Variants in ADARB1 observed in about 807,000 individuals in gnomAD.
ADARB1 encodes double-stranded RNA-specific editase 1.
ADARB1 carries 10 observed loss-of-function variants against 52.4 expected under a neutral mutation model. The observed-to-expected ratio is 0.19, with a 90% CI of 0.12 to 0.32. The LOEUF is 0.32. Among genes scored for constraint, ADARB1 ranks in the 10% least tolerant of loss-of-function variants. ADARB1 has a pLI of 1.00. For missense variants in ADARB1, 643 were observed against 922.3 expected, an observed-to-expected ratio of 0.70 and a Z score of 3.92; for synonymous variants, 349 against 371.1, an observed-to-expected ratio of 0.94 and a Z score of 0.68.
At position 45,162,458 on chromosome 21, in the gene ADARB1, C is replaced by T. The variant is rs941239349; in HGVS notation, c.-47-9152C>T. 6.6e-5 allele frequency among the ~76,000 whole-genome samples: 10 copies of T among 152,150 alleles called. No homozygotes were observed. The East Asian group carries it at 9.7e-4, about 15-fold the overall frequency. On this transcript the variant is annotated intron_variant, in intron 2 of 10. Coordinates refer to ENST00000348831, the MANE Select transcript of ADARB1 (RefSeq NM_001112.4). ...TGGGATCCAGGCTGGAAGTGTGAGC[C>T]GAGCGCAGCCTGCCAGGCTGTGTGG...
chr21:45,171,705 G>A (rs376775873), intron 3 of ADARB1, 21 bp downstream of exon 3: 28 of 1,598,894 alleles, frequency 1.8e-5, no homozygotes, highest in African/African-American at 1.3e-4. Context: ...GGCCTATCAC[G>A]TAGTATCAGA....
rs1447887602 is a variant in ADARB1 at position 45,134,283 on chromosome 21, G to A, written c.-48+5710G>A. ...GTGCCCGACAGTGGTGTGTGCACCC[G>A]ACGGGGGTGTGTGCCCGACAGTGGT... On this transcript the variant is annotated intron_variant, in intron 2 of 10. Transcript: ENST00000348831. 6.9e-5 allele frequency among the ~76,000 whole-genome samples: 3 copies of A among 43,286 alleles called. 1 individual carries two copies. The highest frequency in any genetic ancestry group is 1.5e-4 in the Non-Finnish European group (3 of 20,650). 28.4% of individuals were successfully genotyped at this position (43,286 alleles called of 152,430 possible).
At chr21:45,133,164 C>A (rs1201460321) in intron 2 of ADARB1, among the ~76,000 whole-genome samples, 1 of 152,096 alleles carries the variant, frequency 6.6e-6, no homozygotes, top group African/African-American at 2.4e-5. Context: ...TGATTCTGTT[C>A]CTTGAAGTGT....
chr21:45,127,249 A>G (rs185325564), intron 1 of ADARB1, among the ~76,000 whole-genome samples: 2 of 152,206 alleles, frequency 1.3e-5, no homozygotes, highest in East Asian at 3.9e-4. Context: ...AGGCGTGGTG[A>G]TTGGGACCGC....
Position 45,223,656 on chromosome 21 carries a change from G to A in ADARB1, c.*1459G>A, listed in dbSNP as rs775334899. 6 of 985,526 alleles carry A rather than the reference G, an allele frequency of 6.1e-6. No individual in the cohort carries two copies. Among genetic ancestry groups the A allele is most frequent in the Non-Finnish European group, 7.2e-6 (6 of 830,132 alleles). 61.0% of individuals were successfully genotyped at this position (985,526 alleles called of 1,614,324 possible). ...TACACCTGCCACAGCGAAATCCAGG[G>A]TGTTGGCACCTGTGTGTCCGTGATG... On this transcript the variant is annotated 3_prime_UTR_variant, in exon 11 of 11. Coordinates refer to ENST00000348831, the MANE Select transcript of ADARB1 (RefSeq NM_001112.4).
chr21:45,221,909 C>A lies in ADARB1; in HGVS notation c.1927-109C>A. 8.0e-7 allele frequency: 1 copy of A among 1,245,210 alleles called. No homozygotes were observed. Among genetic ancestry groups the A allele is most frequent in the Middle Eastern group, 1.9e-4 (1 of 5,206 alleles). The allele number at this position is 1,245,210 out of a possible 1,614,324, so 77.1% of individuals were successfully genotyped here. A position where few individuals can be genotyped will look rare whatever the true frequency, so the allele number is the denominator to read the frequency against. ...AGGCGCCTTCCTCTGGGTTGCTTTC[C>A]CCCCAGAAGCCAATGCAGTTCTGAA... On this transcript the variant is annotated intron_variant, in intron 10 of 10. Transcript: ENST00000348831. The surrounding 1 kb of genome is among the most constrained non-coding windows in gnomAD (Gnocchi z 4.9).
intron 1 of ADARB1, among the ~76,000 whole-genome samples, chr21:45,081,776 G>A (rs2086160642): frequency 2.0e-5 from 3 of 152,212 alleles, no homozygotes; most frequent in African/African-American, 7.2e-5. Flanking sequence ...ATGAGCTCAT[G>A]TCAGGAGGGG....
intron 8 of ADARB1, 151 bp downstream of exon 8, chr21:45,185,242 A>G: frequency 9.3e-7 from 1 of 1,079,178 alleles, no homozygotes; most frequent in Non-Finnish European, 1.3e-6. Flanking sequence ...GAGGTTCTAA[A>G]CAGGTGCTGC....
intron 9 of ADARB1, among the ~76,000 whole-genome samples, chr21:45,211,126 C>T (rs2092760773): frequency 6.6e-6 from 1 of 152,222 alleles, no homozygotes; most frequent in African/African-American, 2.4e-5. Context: ...GAGAGCAGCC[C>T]TGGGGAGTGG....
rs1428192630 is a variant in ADARB1, at chr21:45,176,457, C to T, written c.756C>T (p.Leu252=). ...ELRPGLKYDF[L]SESGESHAKS... is the part of the protein sequence containing the mutation. Reference sequence around the variant, plus strand: ...GCCCAGGACTCAAGTATGACTTCCTCTCCGAGAGCGGGGAGAGCCATGCCA... The same window carrying T: ...GCCCAGGACTCAAGTATGACTTCCTTTCCGAGAGCGGGGAGAGCCATGCCA... The change falls in exon 4 of 11, where the codon CTC becomes CTT. Residue 252 remains leucine, a synonymous_variant. Coordinates refer to ENST00000348831, the MANE Select transcript of ADARB1 (RefSeq NM_001112.4). The surrounding 1 kb of genome is among the most constrained non-coding windows in gnomAD (Gnocchi z 5.8). The T allele has an allele frequency of 1.9e-6, 3 of 1,614,188 alleles. No individual in the cohort carries two copies. The highest frequency in any genetic ancestry group is 2.7e-5 in the African/African-American group (2 of 75,042).
rs546928474 is a variant in ADARB1, at chr21:45,172,018, A to G, written c.28+334A>G. Among the ~76,000 whole-genome samples the G allele has an allele frequency of 2.0e-5, 3 of 152,324 alleles. No individual in the cohort carries two copies. The South Asian group carries it at 6.2e-4, about 32-fold the overall frequency. On this transcript the variant is annotated intron_variant, in intron 3 of 10. Transcript: ENST00000348831. This position sits in a 1 kb window ranked among gnomAD's most constrained non-coding sequence, Gnocchi z 4.4. ...TAATGCTCCGAGTATTCACACATACAAATCGAAGATAACGTCTGAGATTGA... is the reference window on the plus strand; with the variant it reads ...TAATGCTCCGAGTATTCACACATACGAATCGAAGATAACGTCTGAGATTGA...
intron 8 of ADARB1, among the ~76,000 whole-genome samples, chr21:45,192,716 A>C (rs183451028): frequency 3.9e-5 from 6 of 152,186 alleles, no homozygotes; most frequent in Non-Finnish European, 8.8e-5. Flanking sequence ...AATGGAAGAG[A>C]GAAGACAAAA....
Position 45,107,199 on chromosome 21 carries a change from A to G in ADARB1, c.-219-21203A>G, listed in dbSNP as rs558593799. 3.3e-4 allele frequency among the ~76,000 whole-genome samples: 51 copies of G among 152,376 alleles called. No homozygotes were observed. In the South Asian group the frequency reaches 0.01, roughly 30 times the overall value. ...GTTCAAAAGCTAAGTGAAGAAAACA[A>G]TAAGTTGAGAAAGACACAGAAGTCG... On this transcript the variant is annotated intron_variant, in intron 1 of 10. Coordinates refer to ENST00000348831, the MANE Select transcript of ADARB1 (RefSeq NM_001112.4).
chr21:45,223,400 G>T lies in ADARB1; in HGVS notation c.*1203G>T. The T allele has an allele frequency of 2.0e-6, 2 of 985,802 alleles. No individual in the cohort carries two copies. Among genetic ancestry groups the T allele is most frequent in the Non-Finnish European group, 2.4e-6 (2 of 830,204 alleles). 61.1% of individuals were successfully genotyped at this position (985,802 alleles called of 1,614,324 possible). ...GCACGGGACGGCCCCACGACAGAGG[G>T]AGTCAGCCCGGGAGGTCAGGAGCGC... On this transcript the variant is annotated 3_prime_UTR_variant, in exon 11 of 11. Coordinates refer to ENST00000348831, the MANE Select transcript of ADARB1 (RefSeq NM_001112.4).
At chr21:45,216,932 C>T (rs915112377) in intron 9 of ADARB1, among the ~76,000 whole-genome samples, 28 of 151,918 alleles carry the variant, frequency 1.8e-4, no homozygotes, top group South Asian at 6.2e-4. Flanking sequence ...AATAAACCGA[C>T]CTCCTTTACC....
chr21:45,182,872 C>A, intron 6 of ADARB1, 119 bp downstream of exon 6: 1 of 1,002,564 alleles, frequency 1.0e-6, no homozygotes, highest in Non-Finnish European at 1.4e-6. Flanking sequence ...AAAATCATAA[C>A]TTTAATTAGT....
chr21:45,173,006 C>CAA (rs2091549530), intron 3 of ADARB1, among the ~76,000 whole-genome samples: 1 of 152,190 alleles, frequency 6.6e-6, no homozygotes, highest in Non-Finnish European at 1.5e-5. Context: ...TTGGCCCGTG[C>CAA]AGTAGCCCAC....
chr21:45,148,573 G>A (rs1797624951), intron 2 of ADARB1, among the ~76,000 whole-genome samples: 2 of 152,188 alleles, frequency 1.3e-5, no homozygotes, highest in South Asian at 4.1e-4. Flanking sequence ...TGTGTATCCC[G>A]CCCACAGGGG....
At chr21:45,090,396 T>C (rs2123680001) in intron 1 of ADARB1, among the ~76,000 whole-genome samples, 1 of 152,288 alleles carries the variant, frequency 6.6e-6, no homozygotes, top group Non-Finnish European at 1.5e-5. Context: ...AGTAGCTACA[T>C]AGTGGTATAA....
Sources: allele counts gnomAD v4.1 joint callset (sites outside exome capture counted in the v4.1 genomes callset), GRCh38; gene constraint gnomAD v4.1.1; non-coding constraint Gnocchi (gnomAD v3.1); transcripts MANE v1.5; gene names NCBI Gene and HGNC (gene_info 2026-07-23, HGNC 2026-07-21).